Variants in APBA1 observed in about 807,000 individuals in gnomAD.
APBA1 encodes the protein amyloid beta precursor protein binding family A member 1, also known as amyloid-beta A4 precursor protein-binding family A member 1.
Under a neutral mutation model 86.6 loss-of-function variants are expected in APBA1, and 55 were observed. The ratio of observed to expected loss-of-function variants is 0.64; its 90% CI spans 0.51 to 0.80. The LOEUF is 0.80. Ranked by LOEUF, APBA1 falls within the 30% of genes least tolerant of loss-of-function variation. APBA1 has a pLI of 0.00. For missense variants in APBA1, 1,090 were observed against 1,183.0 expected (o/e 0.92, Z 1.15); for synonymous variants, 511 against 493.9 (o/e 1.03, Z -0.46).
chr9:69,664,636 A>C (rs1823811120), intron 1 of APBA1, among the ~76,000 whole-genome samples: 1 of 152,270 alleles, frequency 6.6e-6, no homozygotes, highest in Middle Eastern at 3.2e-3. Flanking sequence ...ATTATATGAA[A>C]GTAAACTAAT....
intron 3 of APBA1, among the ~76,000 whole-genome samples, chr9:69,473,835 G>A (rs1835403337): frequency 6.6e-6 from 1 of 151,904 alleles, no homozygotes. Context: ...TTAGTCTCTG[G>A]GGTAGTAAAT....
intron 1 of APBA1, among the ~76,000 whole-genome samples, chr9:69,592,955 T>G (rs1822159927): frequency 1.3e-5 from 2 of 152,240 alleles, no homozygotes; most frequent in African/African-American, 4.8e-5. Flanking sequence ...ATAGGAATGT[T>G]ATATCATTTT....
chr9:69,511,664 G>T (rs1836044076), intron 2 of APBA1, among the ~76,000 whole-genome samples: 1 of 151,878 alleles, frequency 6.6e-6, no homozygotes, highest in South Asian at 2.1e-4. Flanking sequence ...CAAAGACTTG[G>T]AACCAACCCA....
intron 9 of APBA1, 87 bp from the exon 10 acceptor site, chr9:69,449,883 G>T: frequency 8.0e-7 from 1 of 1,246,248 alleles, no homozygotes; most frequent in Non-Finnish European, 1.1e-6. Flanking sequence ...TTCCTGTCTT[G>T]CCTAAAGAAA....
chr9:69,518,632 T>C (rs1836205239), intron 1 of APBA1, among the ~76,000 whole-genome samples: 2 of 152,196 alleles, frequency 1.3e-5, no homozygotes, highest in Non-Finnish European at 2.9e-5. Flanking sequence ...CCCTATGATT[T>C]TGAGATCCCT....
intron 2 of APBA1, among the ~76,000 whole-genome samples, chr9:69,495,741 T>C (rs907208538): frequency 6.6e-6 from 1 of 151,912 alleles, no homozygotes; most frequent in Non-Finnish European, 1.5e-5. Flanking sequence ...TCTGCTACGT[T>C]TATAGAACCT....
At position 69,517,045 on chromosome 9, in the gene APBA1, C is replaced by G. The variant is rs2133890951; in HGVS notation, c.166G>C (p.Ala56Pro). ...AGCTGGGCGCGGAGGTCCTCGAGGG[C>G]TCGCCCGCGCTGGTGGCGGCCCACA... ...HYVGRHQRGR[A>P]LEDLRAQLGQ... The change falls in exon 2 of 13, where the codon GCC becomes CCC. Residue 56 changes from alanine (A) to proline (P), a missense_variant. Around this residue, in one of 6 missense-constraint regions of APBA1, gnomAD observed 678 missense variants for 647.1 expected, o/e 1.05. Transcript: ENST00000265381. 1.3e-6 allele frequency: 2 copies of G among 1,580,524 alleles called. No homozygotes were observed. The highest frequency in any genetic ancestry group is 1.1e-5 in the South Asian group (1 of 87,904).
At chr9:69,584,686 A>AG (rs916417958) in intron 1 of APBA1, among the ~76,000 whole-genome samples, 59 of 152,366 alleles carry the variant, frequency 3.9e-4, no homozygotes, top group African/African-American at 1.4e-3. Flanking sequence ...CCATTTTAAA[A>AG]GGGGAAATAA....
chr9:69,563,650 T>C (rs1836981217), intron 1 of APBA1, among the ~76,000 whole-genome samples: 1 of 145,138 alleles, frequency 6.9e-6, no homozygotes, highest in Admixed American at 6.8e-5. Flanking sequence ...TTGGTTTTAA[T>C]TTTTTTTTTT....
intron 1 of APBA1, among the ~76,000 whole-genome samples, chr9:69,614,560 A>C (rs1822664914): frequency 6.6e-6 from 1 of 152,214 alleles, no homozygotes; most frequent in Non-Finnish European, 1.5e-5. Flanking sequence ...TCAATTGCAA[A>C]TTATAATAAA....
intron 1 of APBA1, among the ~76,000 whole-genome samples, chr9:69,668,661 G>T (rs1564107854): frequency 6.6e-6 from 1 of 152,150 alleles, no homozygotes; most frequent in African/African-American, 2.4e-5. Flanking sequence ...TGGCGTACAA[G>T]TTGCTCCACC....
chr9:69,471,543 G>A, intron 4 of APBA1, 113 bp downstream of exon 4: 1 of 849,984 alleles, frequency 1.2e-6, no homozygotes, highest in Admixed American at 2.1e-5. Context: ...GTGAATAAGT[G>A]ACTTTGTGGC....
chr9:69,523,080 A>G (rs889928568), intron 1 of APBA1, among the ~76,000 whole-genome samples: 1 of 152,178 alleles, frequency 6.6e-6, no homozygotes, highest in Non-Finnish European at 1.5e-5. Context: ...GTGAACAAAA[A>G]GAGGGAATTC....
At chr9:69,455,782 C>T (rs889703274) in intron 8 of APBA1, among the ~76,000 whole-genome samples, 49 of 152,294 alleles carry the variant, frequency 3.2e-4, no homozygotes, top group African/African-American at 1.2e-3. Context: ...TACTCTTCAC[C>T]TCATCCCAAA....
intron 2 of APBA1, among the ~76,000 whole-genome samples, chr9:69,515,443 A>T (rs1426255963): frequency 6.6e-6 from 1 of 151,828 alleles, no homozygotes; most frequent in Non-Finnish European, 1.5e-5. Context: ...TATTCTTTCT[A>T]CTTGGCTACT....
At chr9:69,648,012 G>A (rs1479042349) in intron 1 of APBA1, among the ~76,000 whole-genome samples, 1 of 152,234 alleles carries the variant, frequency 6.6e-6, no homozygotes, top group African/African-American at 2.4e-5. Context: ...GGGCCATGCT[G>A]CAGCCGCCCC....
chr9:69,571,866 G>A (rs1205510618), intron 1 of APBA1, among the ~76,000 whole-genome samples: 1 of 152,082 alleles, frequency 6.6e-6, no homozygotes, highest in African/African-American at 2.4e-5. Flanking sequence ...GCTTTATGTG[G>A]AAAACGAGGC....
In APBA1 at chr9:69,456,373, G is replaced by A. The variant is rs146869320; in HGVS notation, c.1662C>T (p.Ile554=). Residue 554 remains isoleucine, a synonymous_variant, in exon 8 of 13, where the codon ATC becomes ATT. Coordinates refer to ENST00000265381, the MANE Select transcript of APBA1 (RefSeq NM_001163.4). ...TISYIADIGN[I]VVLMARRRMP... ...TCCGCCGGCGGGCCATCAGCACAAC[G>A]ATGTTCCCAATGTCCGCAATGTAGG... 64 of 1,613,636 alleles carry A rather than the reference G, an allele frequency of 4.0e-5. No homozygotes were observed. Among genetic ancestry groups the A allele is most frequent in the Middle Eastern group, 1.6e-4 (1 of 6,084 alleles).
chr9:69,550,677 T>C (rs1055199345), intron 1 of APBA1, among the ~76,000 whole-genome samples: 12 of 152,200 alleles, frequency 7.9e-5, no homozygotes, highest in African/African-American at 2.4e-4. Flanking sequence ...GAGTTTACAA[T>C]AGAAATAATT....
Sources: gnomAD v4.1 joint callset for allele counts (sites outside exome capture counted in the v4.1 genomes callset) on GRCh38, gnomAD v4.1.1 for gene constraint, gnomAD v4.1.1 regional missense constraint, MANE v1.5 for transcripts, NCBI Gene and HGNC (gene_info 2026-07-23, HGNC 2026-07-21) for gene names.